Variants in MAGI3 observed in about 807,000 individuals in gnomAD.
MAGI3 encodes membrane associated guanylate kinase, WW and PDZ domain containing 3.
A neutral mutation model predicts 121.8 loss-of-function variants in MAGI3; 43 were observed. The observed-to-expected ratio is 0.35, with a 90% confidence interval of 0.28 to 0.46. MAGI3 has a LOEUF of 0.46. MAGI3 is among the 20% of genes least tolerant of loss of function. MAGI3 has a pLI of 1.00. For missense variants in MAGI3, 1,547 were observed against 1,797.3 expected (o/e 0.86, Z 2.52); for synonymous variants, 553 against 639.3 (o/e 0.86, Z 2.04).
At chr1:113,680,335 C>T (rs187329565) in intron 19 of MAGI3, among the ~76,000 whole-genome samples, 109 of 152,282 alleles carry the variant, frequency 7.2e-4, no homozygotes, top group African/African-American at 2.5e-3. Flanking sequence ...TGTAAAATGT[C>T]TAACATGTAC....
At position 113,640,667 on chromosome 1, in the gene MAGI3, T is replaced by C. The variant is rs1213549051; in HGVS notation, c.1361-1244T>C. On this transcript the variant is annotated intron_variant, in intron 9 of 20. Transcript: ENST00000307546. ...CGCTGCATGTTCTTATAAGTGGGAG[T>C]TGAACAATGAGAACACATGGACACA... Among the ~76,000 whole-genome samples, 6 of 150,904 alleles carry C rather than the reference T, an allele frequency of 4.0e-5. No homozygotes were observed. In the South Asian group the frequency reaches 1.3e-3, roughly 32 times the overall value.
At chr1:113,469,686 A>G (rs564333876) in intron 1 of MAGI3, among the ~76,000 whole-genome samples, 4 of 152,270 alleles carry the variant, frequency 2.6e-5, no homozygotes, top group Admixed American at 1.3e-4. Context: ...CCAAGAATCA[A>G]CTTATCTCTT....
At chr1:113,399,056 C>CA (rs5777156) in intron 1 of MAGI3, among the ~76,000 whole-genome samples, 36,741 of 151,992 alleles carry the variant, frequency 0.24, 5,082 homozygotes, top group East Asian at 0.63. Flanking sequence ...CAGCTAACTT[C>CA]TGTTCTCAAG....
chr1:113,413,751 T>A (rs1050866492), intron 1 of MAGI3, among the ~76,000 whole-genome samples: 1 of 152,190 alleles, frequency 6.6e-6, no homozygotes, highest in African/African-American at 2.4e-5. Flanking sequence ...TTTGCCGAGG[T>A]TGCTTATCAG....
intron 17 of MAGI3, 108 bp from the exon 18 acceptor site, chr1:113,672,506 AG>A: frequency 2.4e-6 from 3 of 1,256,766 alleles, no homozygotes; most frequent in Non-Finnish European, 3.3e-6. Flanking sequence ...GTGGTTTGTC[AG>A]AGGGAAAATG....
chr1:113,424,377 T>C (rs866487698), intron 1 of MAGI3, among the ~76,000 whole-genome samples: 2 of 152,120 alleles, frequency 1.3e-5, no homozygotes, highest in Admixed American at 6.5e-5. Context: ...GTCCCTCTTA[T>C]TACTGCTCTT....
Position 113,391,654 on chromosome 1 carries a change from C to T in MAGI3, c.316+305C>T, listed in dbSNP as rs1650828777. Among the ~76,000 whole-genome samples, 1 of 152,196 alleles carries T rather than the reference C, an allele frequency of 6.6e-6. No individual in the cohort carries two copies. The highest frequency in any genetic ancestry group is 2.4e-5 in the African/African-American group (1 of 41,442). On this transcript the variant is annotated intron_variant, in intron 1 of 20. Transcript: ENST00000307546. This position sits in a 1 kb window ranked among gnomAD's most constrained non-coding sequence, Gnocchi z 4.4. ...TCCCCCCGCAGACAAGAGTTTTTGA[C>T]TAGAGAAGGCCAGCCTTTTCCTGTG... is the stretch of plus-strand genomic sequence containing the variant.
At chr1:113,573,163 G>A (rs887423205) in intron 2 of MAGI3, among the ~76,000 whole-genome samples, 2 of 152,156 alleles carry the variant, frequency 1.3e-5, no homozygotes, top group African/African-American at 4.8e-5. Flanking sequence ...CTGACCTCGT[G>A]ATCTGCCTGC....
intron 1 of MAGI3, among the ~76,000 whole-genome samples, chr1:113,539,803 T>G (rs1458051874): frequency 3.3e-5 from 5 of 151,986 alleles, no homozygotes; most frequent in Non-Finnish European, 7.4e-5. Context: ...TTTTTTTTTT[T>G]TTTGAGATAG....
At chr1:113,488,545 G>T (rs1483014731) in intron 1 of MAGI3, among the ~76,000 whole-genome samples, 2 of 152,164 alleles carry the variant, frequency 1.3e-5, no homozygotes, top group Admixed American at 1.3e-4. Context: ...CAGCAGGGTG[G>T]TTTCTGTGGG....
chr1:113,455,874 C>G (rs1303358456), intron 1 of MAGI3, among the ~76,000 whole-genome samples: 1 of 152,106 alleles, frequency 6.6e-6, no homozygotes, highest in East Asian at 1.9e-4. Flanking sequence ...TTGCCTAGCA[C>G]AGAGAGAGGT....
rs1290435526 is a variant in MAGI3, at chr1:113,592,244, TGGTATAACCA to T, written c.938+1588_938+1597del. Among the ~76,000 whole-genome samples, 2 of 152,206 alleles carry T rather than the reference TGGTATAACCA, an allele frequency of 1.3e-5. 1 individual carries two copies. The highest frequency in any genetic ancestry group is 3.8e-4 in the East Asian group (2 of 5,204). ...TGCTGCTAGATAAAGCTGTTTGGTT[TGGTATAACCA>T]GTATGGTTGATCTGTATTACTGCTG... On this transcript the variant is annotated intron_variant, in intron 5 of 20. Coordinates refer to ENST00000307546, the MANE Select transcript of MAGI3 (RefSeq NM_001142782.2).
intron 1 of MAGI3, among the ~76,000 whole-genome samples, chr1:113,539,779 T>G (rs2101653588): frequency 6.6e-6 from 1 of 152,176 alleles, no homozygotes; most frequent in Middle Eastern, 3.4e-3. Flanking sequence ...TTGTCATATA[T>G]TGAAGCATTA....
At chr1:113,593,035 A>G (rs1041435897) in intron 5 of MAGI3, among the ~76,000 whole-genome samples, 3 of 152,064 alleles carry the variant, frequency 2.0e-5, no homozygotes, top group Non-Finnish European at 4.4e-5. Flanking sequence ...CAAACAAAAA[A>G]GTGTTTCTAT....
In MAGI3 at chr1:113,391,323, C is replaced by G; in HGVS notation, c.290C>G (p.Pro97Arg). ...GCTGTCATCCGCCACTTCCGCGAGCCCATCCGTCTCAAGACTGTGAAACCA... is the reference window on the plus strand; with the variant it reads ...GCTGTCATCCGCCACTTCCGCGAGCGCATCCGTCTCAAGACTGTGAAACCA... ...TLAVIRHFRE[P>R]IRLKTVKPGK... The change falls in exon 1 of 21, where the codon CCC (proline) becomes CGC (arginine). Residue 97 changes from proline to arginine, a missense_variant. Pro to Arg is a moderately radical substitution (Grantham distance 103). Coordinates refer to ENST00000307546, the MANE Select transcript of MAGI3 (RefSeq NM_001142782.2). The surrounding 1 kb of genome is among the most constrained non-coding windows in gnomAD (Gnocchi z 4.4). 1 of 1,598,104 alleles carries G rather than the reference C, an allele frequency of 6.3e-7. No individual in the cohort carries two copies. Among genetic ancestry groups the G allele is most frequent in the South Asian group, 1.1e-5 (1 of 88,368 alleles).
rs774884987 is a variant in MAGI3 at position 113,585,580 on chromosome 1, T to A, written c.747T>A (p.Asn249Lys). 3.1e-6 allele frequency: 5 copies of A among 1,613,584 alleles called. No homozygotes were observed. In the South Asian group the frequency reaches 5.5e-5, roughly 18 times the overall value. ...EEEDEDKEAINGSGNAENRER... is the reference protein window; with the variant it reads ...EEEDEDKEAIKGSGNAENRER... Reference sequence around the variant, plus strand: ...AAGATGAGGACAAGGAAGCTATTAATGGCAGTGGAAACGCAGGTTTGTAAA... The same window carrying A: ...AAGATGAGGACAAGGAAGCTATTAAAGGCAGTGGAAACGCAGGTTTGTAAA... Residue 249 changes from asparagine (N) to lysine (K), a missense_variant, in exon 4 of 21, where the codon AAT becomes AAA. Physicochemically the swap from Asn to Lys is moderately conservative, Grantham distance 94. Transcript: ENST00000307546.
rs940054327 is a variant in MAGI3 at position 113,411,654 on chromosome 1, C to A, written c.316+20305C>A. Among the ~76,000 whole-genome samples the A allele has an allele frequency of 2.0e-5, 3 of 151,260 alleles. No homozygotes were observed. In the South Asian group the frequency reaches 6.2e-4, roughly 31 times the overall value. On this transcript the variant is annotated intron_variant, in intron 1 of 20. Transcript: ENST00000307546. ...GAAATTAAACAAAACTTACTCGCTT[C>A]TTTGAAGGAAATTGATTTATTCCTT...
At chr1:113,495,522 T>TC (rs1312391398) in intron 1 of MAGI3, among the ~76,000 whole-genome samples, 1 of 152,050 alleles carries the variant, frequency 6.6e-6, no homozygotes, top group East Asian at 1.9e-4. Context: ...TTCCACCCTT[T>TC]CCCCCGAGTC....
chr1:113,447,680 C>G (rs1654247202), intron 1 of MAGI3, among the ~76,000 whole-genome samples: 1 of 152,114 alleles, frequency 6.6e-6, no homozygotes, highest in African/African-American at 2.4e-5. Context: ...ATTGTGAAAT[C>G]CTGTCTCTAC....
Sources: allele counts gnomAD v4.1 joint callset (sites outside exome capture counted in the v4.1 genomes callset), GRCh38; gene constraint gnomAD v4.1.1; non-coding constraint Gnocchi (gnomAD v3.1); transcripts MANE v1.5; gene names NCBI Gene and HGNC (gene_info 2026-07-23, HGNC 2026-07-21).